The following RNGTT variants were observed in gnomAD, a reference collection of about 807,000 sequenced individuals.
RNGTT encodes the protein mRNA-capping enzyme.
A neutral mutation model predicts 79.3 loss-of-function variants in RNGTT; 33 were observed. The ratio of observed to expected loss-of-function variants is 0.42; its 90% CI spans 0.32 to 0.56. The LOEUF is 0.56. RNGTT is among the 20% of genes least tolerant of loss of function. The pLI is 0.17. For missense variants in RNGTT, 497 were observed against 739.1 expected (o/e 0.67, Z 3.80); for synonymous variants, 222 against 235.9 (o/e 0.94, Z 0.54).
chr6:88,769,907 T>C, intron 12 of RNGTT, 33 bp from the exon 13 acceptor site: 2 of 1,445,634 alleles, frequency 1.4e-6, no homozygotes, highest in Non-Finnish European at 1.9e-6. Flanking sequence ...CAATCGTTAC[T>C]AAGAAGTTAA....
intron 13 of RNGTT, among the ~76,000 whole-genome samples, chr6:88,731,895 T>C (rs1562222835): frequency 6.6e-6 from 1 of 152,174 alleles, no homozygotes. Context: ...ATGTATTATA[T>C]ACTATATTCT....
chr6:88,695,540 T>A (rs772706962), intron 13 of RNGTT, among the ~76,000 whole-genome samples: 1 of 152,184 alleles, frequency 6.6e-6, no homozygotes, highest in Non-Finnish European at 1.5e-5. Context: ...ACCTTTTGTA[T>A]ACTATTGGTG....
intron 6 of RNGTT, among the ~76,000 whole-genome samples, chr6:88,897,423 C>A (rs1218231591): frequency 6.6e-6 from 1 of 152,158 alleles, no homozygotes; most frequent in East Asian, 1.9e-4. Flanking sequence ...TGCATTTGAC[C>A]TCCATTCCCT....
At chr6:88,711,655 G>A (rs1776323372) in intron 13 of RNGTT, among the ~76,000 whole-genome samples, 1 of 152,172 alleles carries the variant, frequency 6.6e-6, no homozygotes, top group African/African-American at 2.4e-5. Flanking sequence ...CACTTGCAGA[G>A]AGTCAGCCTT....
intron 1 of RNGTT, among the ~76,000 whole-genome samples, chr6:88,958,744 C>T (rs1785515093): frequency 6.6e-6 from 1 of 152,168 alleles, no homozygotes; most frequent in African/African-American, 2.4e-5. Context: ...AAAGGTAACA[C>T]TTTTACACTG....
At chr6:88,827,065 C>T (rs1020712143) in intron 11 of RNGTT, among the ~76,000 whole-genome samples, 10 of 151,676 alleles carry the variant, frequency 6.6e-5, no homozygotes, top group African/African-American at 2.2e-4. Context: ...TGTTGAGTTA[C>T]ACACTTTAAA....
At chr6:88,738,839 T>TACAC (rs200498670) in intron 13 of RNGTT, among the ~76,000 whole-genome samples, 2,742 of 142,572 alleles carry the variant, frequency 0.019, 27 homozygotes, top group East Asian at 0.031. Flanking sequence ...ATAAATAAAA[T>TACAC]ACACACACAC....
At position 88,684,730 on chromosome 6, in the gene RNGTT, A is replaced by G. The variant is rs148117597; in HGVS notation, c.1440-6311T>C. 4.8e-3 allele frequency among the ~76,000 whole-genome samples: 730 copies of G among 152,280 alleles called. 6 individuals carry two copies. Among genetic ancestry groups the G allele is most frequent in the African/African-American group, 0.016 (664 of 41,570 alleles). Reference sequence around the variant, plus strand: ...TAATGCTAGATATATGTCATTATACATTTGTCAAAACACCACCAAGAGTAA... The same window carrying G: ...TAATGCTAGATATATGTCATTATACGTTTGTCAAAACACCACCAAGAGTAA... On this transcript the variant is annotated intron_variant, in intron 13 of 15. Coordinates refer to ENST00000369485, the MANE Select transcript of RNGTT (RefSeq NM_003800.5).
At chr6:88,783,249 G>A (rs527345150) in intron 12 of RNGTT, among the ~76,000 whole-genome samples, 44 of 152,146 alleles carry the variant, frequency 2.9e-4, no homozygotes, top group Non-Finnish European at 5.3e-4. Flanking sequence ...TTGTGGTAAC[G>A]TGGATGGAGC....
intron 11 of RNGTT, among the ~76,000 whole-genome samples, chr6:88,833,280 T>C (rs900336759): frequency 6.6e-6 from 1 of 152,122 alleles, no homozygotes; most frequent in Non-Finnish European, 1.5e-5. Context: ...TTCAGGGACA[T>C]GGATGAAGCT....
intron 13 of RNGTT, among the ~76,000 whole-genome samples, chr6:88,738,843 C>CAG (rs1034428563): frequency 1.4e-5 from 2 of 143,510 alleles, no homozygotes; most frequent in African/African-American, 5.8e-5. Context: ...ATAAAATACA[C>CAG]ACACACACAC....
intron 2 of RNGTT, among the ~76,000 whole-genome samples, chr6:88,931,187 T>TAAAAAAAA (rs34070183): frequency 2.4e-3 from 242 of 101,840 alleles, no homozygotes; most frequent in Middle Eastern, 0.018. Flanking sequence ...TATAAAGCTG[T>TAAAAAAAA]AAAAAAAAAA....
At chr6:88,717,767 C>T (rs1177673895) in intron 13 of RNGTT, among the ~76,000 whole-genome samples, 1 of 152,104 alleles carries the variant, frequency 6.6e-6, no homozygotes, top group Admixed American at 6.6e-5. Context: ...TCGACAATAA[C>T]CACTCCACTC....
chr6:88,679,022 A>G (rs1374455455), intron 13 of RNGTT, among the ~76,000 whole-genome samples: 1 of 152,070 alleles, frequency 6.6e-6, no homozygotes, highest in Non-Finnish European at 1.5e-5. Flanking sequence ...CCACGGAGAC[A>G]GCAAGACTAA....
intron 2 of RNGTT, among the ~76,000 whole-genome samples, chr6:88,932,993 TCTC>T (rs1427120521): frequency 2.0e-5 from 3 of 152,112 alleles, no homozygotes; most frequent in African/African-American, 7.2e-5. Flanking sequence ...CTTTATTTTC[TCTC>T]CTATCAGCAC....
Position 88,664,327 on chromosome 6 carries a change from C to T in RNGTT, c.1506+14026G>A, listed in dbSNP as rs74207376. 9.2e-3 allele frequency among the ~76,000 whole-genome samples: 1,401 copies of T among 152,302 alleles called. 63 individuals carry two copies. The highest frequency in any genetic ancestry group is 0.074 in the Admixed American group (1,127 of 15,296). The stretch of plus-strand genomic sequence containing the variant: ...GCATGTACACTCCCTTTGACCCAGA[C>T]AGCCCTGAAAATCAGCGCATGATTA... On this transcript the variant is annotated intron_variant, in intron 14 of 15. Coordinates refer to ENST00000369485, the MANE Select transcript of RNGTT (RefSeq NM_003800.5).
chr6:88,624,367 T>A (rs1772548195), intron 14 of RNGTT, among the ~76,000 whole-genome samples: 1 of 151,880 alleles, frequency 6.6e-6, no homozygotes, highest in Non-Finnish European at 1.5e-5. Context: ...GTGGTATTAT[T>A]GGTAAGCAGA....
At chr6:88,637,748 C>T (rs909618193) in intron 14 of RNGTT, among the ~76,000 whole-genome samples, 3 of 152,074 alleles carry the variant, frequency 2.0e-5, no homozygotes, top group Non-Finnish European at 4.4e-5. Flanking sequence ...TAAAATAAGG[C>T]CCCATCTGCA....
rs560916172 is a variant in RNGTT at position 88,760,475 on chromosome 6, G to GAT, written c.1439+9297_1439+9298dup. Among the ~76,000 whole-genome samples, 27 of 152,228 alleles carry GAT rather than the reference G, an allele frequency of 1.8e-4. 1 individual carries two copies. In the South Asian group the frequency reaches 5.6e-3, roughly 32 times the overall value. ...CATTTGTCTTAAAATATGTTTGGGT[G>GAT]ATGAGAATATTTTCAAATAAGAAAG... On this transcript the variant is annotated intron_variant, in intron 13 of 15. Transcript: ENST00000369485.
Sources: allele counts gnomAD v4.1 joint callset (sites outside exome capture counted in the v4.1 genomes callset), GRCh38; gene constraint gnomAD v4.1.1; transcripts MANE v1.5; gene names NCBI Gene and HGNC (gene_info 2026-07-23, HGNC 2026-07-21).